Variants in CPED1 observed in about 807,000 individuals in gnomAD.
CPED1 encodes cadherin-like and PC-esterase domain-containing protein 1.
CPED1 carries 114 observed loss-of-function variants against 128.2 expected under a neutral mutation model. The ratio of observed to expected loss-of-function variants is 0.89; its 90% confidence interval spans 0.76 to 1.04. The LOEUF is 1.04. Among genes scored for constraint, CPED1 ranks in the 50% least tolerant of loss-of-function variants. The pLI is 0.00. For synonymous variants in CPED1, 462 were observed against 426.7 expected (o/e 1.08, Z -1.02); for missense variants, 1,211 against 1,207.1 (o/e 1.00, Z -0.05).
chr7:121,262,805 A>G (rs1792047219), intron 18 of CPED1, among the ~76,000 whole-genome samples: 1 of 152,094 alleles, frequency 6.6e-6, no homozygotes, highest in Non-Finnish European at 1.5e-5. Flanking sequence ...AACTGAAACA[A>G]ATCACTCTTT....
At chr7:121,116,866 T>C (rs1795246456) in intron 7 of CPED1, among the ~76,000 whole-genome samples, 1 of 151,302 alleles carries the variant, frequency 6.6e-6, no homozygotes, top group Non-Finnish European at 1.5e-5. Flanking sequence ...AAGCAGTGCA[T>C]GTAAAATGCA....
chr7:121,098,815 ATAT>A (rs1355962347), intron 6 of CPED1, among the ~76,000 whole-genome samples: 1 of 136,064 alleles, frequency 7.3e-6, no homozygotes, highest in African/African-American at 3.1e-5. Flanking sequence ...TATATAAATA[ATAT>A]ATATATAAAT....
intron 12 of CPED1, among the ~76,000 whole-genome samples, chr7:121,130,594 T>G (rs755333720): frequency 6.6e-6 from 1 of 152,094 alleles, no homozygotes; most frequent in Non-Finnish European, 1.5e-5. Context: ...TCTTGAATTG[T>G]GAGGGTATCA....
At position 121,296,905 on chromosome 7, in the gene CPED1, T is replaced by C. The variant is rs1792833344; in HGVS notation, c.*1253T>C. 6.6e-6 allele frequency: 1 copy of C among 152,416 alleles called. No homozygotes were observed. Among genetic ancestry groups the C allele is most frequent in the Non-Finnish European group, 1.5e-5 (1 of 67,938 alleles). 9.4% of individuals were successfully genotyped at this position (152,416 alleles called of 1,614,324 possible). ...TACATGGCTGAAATTACCAAATGTA[T>C]AAATACCTCATTTTCACTACCATAC... On this transcript the variant is annotated 3_prime_UTR_variant, in exon 23 of 23. Coordinates refer to ENST00000310396, the MANE Select transcript of CPED1 (RefSeq NM_024913.5).
In CPED1 at chr7:121,089,926, A is replaced by G. The variant is rs185079146; in HGVS notation, c.617-7773A>G. On this transcript the variant is annotated intron_variant, in intron 5 of 22. Coordinates refer to ENST00000310396, the MANE Select transcript of CPED1 (RefSeq NM_024913.5). Reference sequence around the variant, plus strand: ...CAGAAAACCATCAAAGGAAAATTAAACTGCCATAAAGTAATAAAACAATCT... The same window carrying G: ...CAGAAAACCATCAAAGGAAAATTAAGCTGCCATAAAGTAATAAAACAATCT... Among the ~76,000 whole-genome samples, 746 of 152,324 alleles carry G rather than the reference A, an allele frequency of 4.9e-3. 3 individuals are homozygous for G. Among genetic ancestry groups the G allele is most frequent in the Middle Eastern group, 0.017 (5 of 294 alleles).
At chr7:121,242,313 A>T (rs1172811924) in intron 17 of CPED1, among the ~76,000 whole-genome samples, 1 of 152,202 alleles carries the variant, frequency 6.6e-6, no homozygotes, top group Non-Finnish European at 1.5e-5. Context: ...CTTACTAACT[A>T]GAGGATCTCA....
chr7:121,252,512 C>T (rs1214331879), intron 18 of CPED1, among the ~76,000 whole-genome samples: 1 of 151,656 alleles, frequency 6.6e-6, no homozygotes, highest in African/African-American at 2.4e-5. Flanking sequence ...AAAGAAACTA[C>T]CATCAGAGTG....
chr7:121,222,635 G>A (rs925053091), intron 16 of CPED1, among the ~76,000 whole-genome samples: 6 of 152,092 alleles, frequency 3.9e-5, no homozygotes, highest in African/African-American at 1.2e-4. Context: ...ATTTCATTGA[G>A]CAGTGGTTTG....
chr7:121,066,443 A>G (rs185848389), intron 5 of CPED1, among the ~76,000 whole-genome samples: 125 of 152,262 alleles, frequency 8.2e-4, no homozygotes, highest in Non-Finnish European at 1.4e-3. Context: ...ATTATACATT[A>G]TTCCTAACAC....
intron 7 of CPED1, among the ~76,000 whole-genome samples, chr7:121,113,113 C>T (rs1351938295): frequency 2.0e-5 from 3 of 152,164 alleles, no homozygotes; most frequent in African/African-American, 7.2e-5. Flanking sequence ...TCTATATCTT[C>T]TTGCATATAT....
rs781056763 is a variant in CPED1 at position 121,271,340 on chromosome 7, A to T, written c.2778A>T (p.Lys926Asn). 1.7e-5 allele frequency: 27 copies of T among 1,612,492 alleles called. No individual in the cohort carries two copies. The highest frequency in any genetic ancestry group is 2.3e-5 in the Non-Finnish European group (27 of 1,178,968). The change falls in exon 22 of 23, where the codon AAA becomes AAT. Residue 926 changes from lysine (K) to asparagine (N), a missense_variant. Coordinates refer to ENST00000310396, the MANE Select transcript of CPED1 (RefSeq NM_024913.5). ...ENLIILDTAKKHGYEVVDTFT... is the reference protein window; with the variant it reads ...ENLIILDTAKNHGYEVVDTFT... ...TGATTATTCTGGATACTGCAAAAAA[A>T]CATGGCTATGAAGTAGTTGACACAT...
chr7:121,078,475 G>A (rs1794191383), intron 5 of CPED1, among the ~76,000 whole-genome samples: 1 of 124,518 alleles, frequency 8.0e-6, no homozygotes, highest in African/African-American at 3.3e-5. Context: ...ATGAGATCCT[G>A]TCTCTGGAAA....
intron 7 of CPED1, among the ~76,000 whole-genome samples, chr7:121,121,400 T>A (rs1795384270): frequency 6.6e-6 from 1 of 152,212 alleles, no homozygotes; most frequent in Non-Finnish European, 1.5e-5. Flanking sequence ...CAAATGATGA[T>A]GCATTAGCTG....
chr7:121,040,795 A>T (rs552847472), intron 3 of CPED1, among the ~76,000 whole-genome samples: 239 of 152,152 alleles, frequency 1.6e-3, no homozygotes, highest in Middle Eastern at 3.4e-3. Flanking sequence ...AACTCAGGAA[A>T]TCATCCTTGT....
chr7:121,193,880 G>A (rs1190342929), intron 16 of CPED1, among the ~76,000 whole-genome samples: 1 of 151,408 alleles, frequency 6.6e-6, no homozygotes, highest in East Asian at 1.9e-4. Flanking sequence ...GAAAATCTCA[G>A]AAATAAATCA....
At chr7:121,188,399 T>A (rs1276501802) in intron 16 of CPED1, among the ~76,000 whole-genome samples, 1 of 152,176 alleles carries the variant, frequency 6.6e-6, no homozygotes, top group Admixed American at 6.6e-5. Context: ...CCTTCAAGCA[T>A]TTATCCTTTG....
chr7:121,163,426 A>G lies in CPED1; in HGVS notation c.2055+21285A>G, dbSNP rs377503030. On this transcript the variant is annotated intron_variant, in intron 16 of 22. Coordinates refer to ENST00000310396, the MANE Select transcript of CPED1 (RefSeq NM_024913.5). ...CAGAAAATGGACAGGAATCAAGGGA[A>G]ACAGGAGGAGCTGCAGGCAAAGTAC... Among the ~76,000 whole-genome samples, 11 of 152,192 alleles carry G rather than the reference A, an allele frequency of 7.2e-5. No individual in the cohort carries two copies. The East Asian group carries it at 1.9e-3, about 27-fold the overall frequency.
At chr7:121,214,170 T>C (rs1359012048) in intron 16 of CPED1, among the ~76,000 whole-genome samples, 1 of 152,116 alleles carries the variant, frequency 6.6e-6, no homozygotes, top group African/African-American at 2.4e-5. Flanking sequence ...TGTATTTCTC[T>C]TGCCAACATG....
At chr7:121,041,195 T>C (rs935206047) in intron 3 of CPED1, among the ~76,000 whole-genome samples, 3 of 152,148 alleles carry the variant, frequency 2.0e-5, no homozygotes, top group Admixed American at 1.3e-4. Flanking sequence ...ATTATAATTG[T>C]TTGCTGTTCA....
Sources: allele counts gnomAD v4.1 joint callset (sites outside exome capture counted in the v4.1 genomes callset), GRCh38; gene constraint gnomAD v4.1.1; transcripts MANE v1.5; gene names NCBI Gene and HGNC (gene_info 2026-07-23, HGNC 2026-07-21).